ZNF385D: variants seen among roughly 807,000 people sequenced by gnomAD.
ZNF385D encodes zinc finger protein 659.
A neutral mutation model predicts 35.8 loss-of-function variants in ZNF385D; 15 were observed. That is an observed-to-expected ratio of 0.42 (90% CI 0.28 to 0.64). ZNF385D has a LOEUF of 0.64. Among genes scored for constraint, ZNF385D ranks in the 30% least tolerant of loss-of-function variants. ZNF385D has a pLI of 0.23. For missense variants in ZNF385D, 474 were observed against 494.6 expected (o/e 0.96, Z 0.39); for synonymous variants, 212 against 186.8 (o/e 1.13, Z -1.10).
At chr3:22,332,514 A>T (rs1343596197) in intron 2 of ZNF385D, among the ~76,000 whole-genome samples, 6 of 152,220 alleles carry the variant, frequency 3.9e-5, no homozygotes, top group African/African-American at 1.4e-4. Flanking sequence ...GCTTTAATAT[A>T]AACAGGTTTG....
At chr3:22,050,511 A>C (rs2125527406) in intron 3 of ZNF385D, among the ~76,000 whole-genome samples, 1 of 152,328 alleles carries the variant, frequency 6.6e-6, no homozygotes, top group South Asian at 2.1e-4. Context: ...TATTGATTTA[A>C]TTTGGTTGTT....
intron 3 of ZNF385D, among the ~76,000 whole-genome samples, chr3:22,088,114 C>T (rs960392877): frequency 5.9e-5 from 9 of 152,048 alleles, no homozygotes; most frequent in African/African-American, 2.2e-4. Flanking sequence ...AATAAATCAA[C>T]GCAAAGCATG....
At chr3:21,829,423 G>T (rs2125758675) in intron 3 of ZNF385D, among the ~76,000 whole-genome samples, 1 of 152,216 alleles carries the variant, frequency 6.6e-6, no homozygotes, top group African/African-American at 2.4e-5. Context: ...GACAGAAAAA[G>T]GCCATTGTAG....
intron 3 of ZNF385D, among the ~76,000 whole-genome samples, chr3:21,535,443 A>G (rs2062014857): frequency 6.6e-6 from 1 of 152,114 alleles, no homozygotes; most frequent in Non-Finnish European, 1.5e-5. Context: ...CAACATCTAC[A>G]AAGATCACAT....
In ZNF385D at chr3:21,413,719, G is replaced by A. The variant is rs914979918; in HGVS notation, c.*7495C>T. ...TCACAAGCATGTAGAGCAAACCATAGTCTATTTTTAATTTCAAAATAGTGC... is the reference window on the plus strand; with the variant it reads ...TCACAAGCATGTAGAGCAAACCATAATCTATTTTTAATTTCAAAATAGTGC... On this transcript the variant is annotated 3_prime_UTR_variant, in exon 8 of 8. Coordinates refer to ENST00000281523, the MANE Select transcript of ZNF385D (RefSeq NM_024697.3). 1 of 151,970 alleles carries A rather than the reference G, an allele frequency of 6.6e-6. No individual in the cohort carries two copies. Among genetic ancestry groups the A allele is most frequent in the African/African-American group, 2.4e-5 (1 of 41,378 alleles). The allele number at this position is 151,970 out of a possible 1,614,324, so 9.4% of individuals were successfully genotyped here.
At chr3:21,999,110 A>G (rs1695674033) in intron 3 of ZNF385D, among the ~76,000 whole-genome samples, 1 of 152,208 alleles carries the variant, frequency 6.6e-6, no homozygotes, top group African/African-American at 2.4e-5. Flanking sequence ...CCATGTAGAC[A>G]TACAGCTATG....
chr3:21,809,559 C>G (rs572007515), intron 3 of ZNF385D, among the ~76,000 whole-genome samples: 1 of 151,036 alleles, frequency 6.6e-6, no homozygotes, highest in African/African-American at 2.4e-5. Context: ...TATATAACCC[C>G]TACAACAAAC....
chr3:21,617,090 C>T (rs17029417), intron 2 of ZNF385D, among the ~76,000 whole-genome samples: 31,456 of 152,096 alleles, frequency 0.21, 4,215 homozygotes, highest in African/African-American at 0.39. Context: ...GTCCTTGAAA[C>T]CTGTGACATC....
chr3:21,794,928 A>G (rs2072083836), intron 3 of ZNF385D, among the ~76,000 whole-genome samples: 1 of 152,180 alleles, frequency 6.6e-6, no homozygotes, highest in Non-Finnish European at 1.5e-5. Flanking sequence ...TAAGTAAAAT[A>G]ATGATCAGCA....
chr3:22,184,114 CAA>C (rs1695469120), intron 2 of ZNF385D, among the ~76,000 whole-genome samples: 1 of 152,138 alleles, frequency 6.6e-6, no homozygotes, highest in African/African-American at 2.4e-5. Flanking sequence ...CAAGGATTAT[CAA>C]AGTGTGCTGA....
chr3:21,436,208 G>A (rs1365212316), intron 5 of ZNF385D, among the ~76,000 whole-genome samples: 3 of 151,970 alleles, frequency 2.0e-5, no homozygotes, highest in African/African-American at 4.8e-5. Flanking sequence ...CACATACAGA[G>A]CAGCAAGATG....
intron 3 of ZNF385D, among the ~76,000 whole-genome samples, chr3:21,907,257 T>C (rs1699728402): frequency 1.3e-5 from 2 of 152,192 alleles, no homozygotes; most frequent in Non-Finnish European, 2.9e-5. Context: ...ATTTTAAAAA[T>C]AGAATAATTA....
intron 3 of ZNF385D, among the ~76,000 whole-genome samples, chr3:22,039,148 T>G (rs1241682135): frequency 4.0e-5 from 6 of 148,326 alleles, no homozygotes; most frequent in African/African-American, 1.5e-4. Context: ...ATGTAAAAAG[T>G]AGCAAAAAAC....
chr3:22,105,274 A>T (rs1576328083), intron 3 of ZNF385D, among the ~76,000 whole-genome samples: 1 of 152,066 alleles, frequency 6.6e-6, no homozygotes, highest in Non-Finnish European at 1.5e-5. Context: ...CATTTAACAC[A>T]CTTAATTAAA....
chr3:21,743,134 A>G (rs78018861), intron 1 of ZNF385D, among the ~76,000 whole-genome samples: 9,174 of 152,276 alleles, frequency 0.06, 652 homozygotes, highest in East Asian at 0.25. Flanking sequence ...AATGGAAGAG[A>G]TACAACTGTA....
intron 2 of ZNF385D, among the ~76,000 whole-genome samples, chr3:21,654,943 A>C (rs1370312138): frequency 6.6e-6 from 1 of 151,946 alleles, no homozygotes; most frequent in Non-Finnish European, 1.5e-5. Flanking sequence ...GGTGGGAGGG[A>C]GATGTGGAAG....
intron 3 of ZNF385D, among the ~76,000 whole-genome samples, chr3:22,129,925 A>G (rs1274092718): frequency 6.6e-6 from 1 of 152,096 alleles, no homozygotes; most frequent in African/African-American, 2.4e-5. Context: ...GTCCTGGGTC[A>G]CACCTGAAGC....
At chr3:21,610,542 A>AG (rs2064639566) in intron 2 of ZNF385D, among the ~76,000 whole-genome samples, 1 of 151,936 alleles carries the variant, frequency 6.6e-6, no homozygotes, top group South Asian at 2.1e-4. Context: ...AGGCCAAGGC[A>AG]GGTGGATCAT....
chr3:21,828,965 T>C (rs1310267135), intron 3 of ZNF385D, among the ~76,000 whole-genome samples: 1 of 152,152 alleles, frequency 6.6e-6, no homozygotes, highest in Non-Finnish European at 1.5e-5. Flanking sequence ...CTTGTCTCCC[T>C]CTTACAAGGA....
Sources: allele counts gnomAD v4.1 joint callset (sites outside exome capture counted in the v4.1 genomes callset), GRCh38; gene constraint gnomAD v4.1.1; transcripts MANE v1.5; gene names NCBI Gene and HGNC (gene_info 2026-07-23, HGNC 2026-07-21).